The following ACAA2 variants were observed in gnomAD, a reference collection of about 807,000 sequenced individuals.
The protein encoded by ACAA2 is acetyl-CoA acyltransferase 2.
A neutral mutation model predicts 44.8 loss-of-function variants in ACAA2; 35 were observed. The observed-to-expected ratio is 0.78, with a 90% CI of 0.60 to 1.04. The LOEUF (loss-of-function observed/expected upper bound fraction) is 1.04. Ranked by LOEUF, ACAA2 falls within the 50% of genes least tolerant of loss-of-function variation. ACAA2 has a pLI of 0.00. For synonymous variants in ACAA2, 142 were observed against 166.5 expected (o/e 0.85, Z 1.13); for missense variants, 468 against 482.6 (o/e 0.97, Z 0.28).
chr18:49,783,820 T>C lies in ACAA2; in HGVS notation c.*27A>G, dbSNP rs1277413959. 3.7e-6 allele frequency: 6 copies of C among 1,603,126 alleles called. No individual in the cohort carries two copies. In the African/African-American group the frequency reaches 4.0e-5, roughly 11 times the overall value. ...GTGGCCTGGCCAAGTAGAGTAAGGA[T>C]GGGTCACAGTGAGCTCACTGGTCTC... On this transcript the variant is annotated 3_prime_UTR_variant, in exon 10 of 10. Transcript: ENST00000285093.
intron 1 of ACAA2, among the ~76,000 whole-genome samples, chr18:49,807,487 C>T (rs1207219696): frequency 2.0e-5 from 3 of 152,180 alleles, no homozygotes; most frequent in Non-Finnish European, 4.4e-5. Flanking sequence ...TTAGATCTAA[C>T]ACCAAAAGCA....
Position 49,792,347 on chromosome 18 carries a change from C to CT in ACAA2, c.578-21dup, listed in dbSNP as rs1255030002. On this transcript the variant is annotated intron_variant, in intron 5 of 9. Transcript: ENST00000285093. ...CATTAGCTGAAAAATAGTAGAGAGA[C>CT]TATCATAAGAATAAAAGAGAGAAAC... 6.3e-7 allele frequency: 1 copy of CT among 1,584,058 alleles called. No individual in the cohort carries two copies. Among genetic ancestry groups the CT allele is most frequent in the Non-Finnish European group, 8.6e-7 (1 of 1,157,792 alleles).
intron 2 of ACAA2, among the ~76,000 whole-genome samples, chr18:49,800,480 A>C (rs2023533697): frequency 6.6e-6 from 1 of 152,202 alleles, no homozygotes; most frequent in Non-Finnish European, 1.5e-5. Context: ...GAAGGGATTG[A>C]GAAATCGGAT....
Position 49,803,280 on chromosome 18 carries a change from A to ATAATAATAATAT in ACAA2, c.17-428_17-427insATATTATTATTA, listed in dbSNP as rs531343535. ...AATAATAATAATAATAATAATAATA[A>ATAATAATAATAT]TATCAATCCCTGACCTAAACTACTT... On this transcript the variant is annotated intron_variant, in intron 1 of 9. Transcript: ENST00000285093. Among the ~76,000 whole-genome samples the ATAATAATAATAT allele has an allele frequency of 1.5e-4, 22 of 149,332 alleles. 1 individual carries two copies. In the South Asian group the frequency reaches 4.0e-3, roughly 27 times the overall value.
intron 1 of ACAA2, among the ~76,000 whole-genome samples, chr18:49,807,654 G>C (rs753757095): frequency 1.3e-4 from 20 of 151,962 alleles, no homozygotes; most frequent in Non-Finnish European, 1.5e-4. Context: ...AGACATGATG[G>C]GACCCTGTCT....
At chr18:49,802,559 T>TC (rs1363600348) in intron 2 of ACAA2, 128 bp downstream of exon 2, 2 of 475,250 alleles carry the variant, frequency 4.2e-6, no homozygotes, top group African/African-American at 9.4e-5. Flanking sequence ...AGACTCCATC[T>TC]CAAAAAAAAA....
At chr18:49,787,447 T>A in intron 7 of ACAA2, 86 bp from the exon 8 acceptor site, 2 of 1,008,412 alleles carry the variant, frequency 2.0e-6, no homozygotes, top group Non-Finnish European at 2.7e-6. Flanking sequence ...TCTTTCCAAG[T>A]AAGGAAGAAA....
chr18:49,796,604 A>T (rs2023467657), intron 3 of ACAA2, among the ~76,000 whole-genome samples: 1 of 152,180 alleles, frequency 6.6e-6, no homozygotes, highest in African/African-American at 2.4e-5. Flanking sequence ...TATTTAACCA[A>T]CTGTCCTTTA....
Position 49,799,860 on chromosome 18 carries a change from C to A in ACAA2, c.184-2266G>T, listed in dbSNP as rs1477670733. ...ATCTGGGATGTGGGGAGCGCCTCTG[C>A]CCGGCCGCGACCCCATCTGGGAGGT... On this transcript the variant is annotated intron_variant, in intron 2 of 9. Transcript: ENST00000285093. Among the ~76,000 whole-genome samples, 158 of 139,052 alleles carry A rather than the reference C, an allele frequency of 1.1e-3. 2 individuals are homozygous for A. The highest frequency in any genetic ancestry group is 3.7e-3 in the African/African-American group (135 of 36,588). The allele number at this position is 139,052 out of a possible 152,430, so 91.2% of individuals were successfully genotyped here.
intron 3 of ACAA2, 130 bp from the exon 4 acceptor site, chr18:49,796,011 G>A: frequency 1.7e-6 from 1 of 580,370 alleles, no homozygotes; most frequent in Non-Finnish European, 3.0e-6. Context: ...TGTCTCAAAA[G>A]GAAATGCTTT....
At position 49,782,187 on chromosome 18, in the gene ACAA2, T is replaced by A. The variant is rs1009935432; in HGVS notation, c.*1660A>T. ...AATGTTCTGCAAAACATTGTTTTAT[T>A]ATGAGAAATTATACAGGGCTCTTAC... On this transcript the variant is annotated 3_prime_UTR_variant, in exon 10 of 10. Transcript: ENST00000285093. 6.6e-6 allele frequency: 1 copy of A among 151,202 alleles called. No individual in the cohort carries two copies. Among genetic ancestry groups the A allele is most frequent in the South Asian group, 2.1e-4 (1 of 4,822 alleles). 9.4% of individuals were successfully genotyped at this position (151,202 alleles called of 1,614,324 possible). A position where few individuals can be genotyped will look rare whatever the true frequency, so the allele number is the denominator to read the frequency against.
intron 2 of ACAA2, 64 bp downstream of exon 2, chr18:49,802,623 G>A (rs1013554312): frequency 6.9e-7 from 1 of 1,456,348 alleles, no homozygotes; most frequent in South Asian, 1.3e-5. Context: ...TATGTTAAAG[G>A]AATTATTTTT....
At chr18:49,807,275 G>C (rs1322834464) in intron 1 of ACAA2, among the ~76,000 whole-genome samples, 1 of 152,156 alleles carries the variant, frequency 6.6e-6, no homozygotes, top group Non-Finnish European at 1.5e-5. Context: ...TGTGCCTGTA[G>C]TCCCAGCTAT....
chr18:49,798,913 T>C (rs2023495867), intron 2 of ACAA2, among the ~76,000 whole-genome samples: 1 of 152,078 alleles, frequency 6.6e-6, no homozygotes, highest in Non-Finnish European at 1.5e-5. Context: ...CAGATAAATA[T>C]TTGGGGTTAG....
chr18:49,786,215 A>C (rs1055191125), intron 8 of ACAA2: 7 of 152,148 alleles, frequency 4.6e-5, no homozygotes, highest in African/African-American at 1.7e-4. Flanking sequence ...TTTCTACTCT[A>C]TATACAGAGC....
chr18:49,797,611 A>C lies in ACAA2; in HGVS notation c.184-17T>G. On this transcript the variant is annotated splice_polypyrimidine_tract_variant and intron_variant, in intron 2 of 9. Coordinates refer to ENST00000285093, the MANE Select transcript of ACAA2 (RefSeq NM_006111.3). ...TGAAGAACTCTAGAAGAGAGAAGGA[A>C]AAGAAAAATAATTTTCTCTATAAAT... 6.4e-7 allele frequency: 1 copy of C among 1,569,146 alleles called. No homozygotes were observed. The highest frequency in any genetic ancestry group is 8.6e-7 in the Non-Finnish European group (1 of 1,161,824).
At chr18:49,812,805 C>A (rs1296725984) in intron 1 of ACAA2, 3 of 152,196 alleles carry the variant, frequency 2.0e-5, no homozygotes, top group Non-Finnish European at 4.4e-5. Flanking sequence ...TGTCTCAGGG[C>A]CTCGATATGT....
rs557565825 is a variant in ACAA2 at position 49,805,572 on chromosome 18, C to CT, written c.17-2720dup. The stretch of plus-strand genomic sequence containing the variant: ...CTGCCTATTTTTATATCAGTGTTTT[C>CT]TTTTTTTTTTGAGACAGTCTTGCTC... On this transcript the variant is annotated intron_variant, in intron 1 of 9. Coordinates refer to ENST00000285093, the MANE Select transcript of ACAA2 (RefSeq NM_006111.3). Among the ~76,000 whole-genome samples, 582 of 148,028 alleles carry CT rather than the reference C, an allele frequency of 3.9e-3. 1 individual carries two copies. Among genetic ancestry groups the CT allele is most frequent in the Admixed American group, 7.2e-3 (106 of 14,808 alleles).
chr18:49,803,683 TCTATGTG>T (rs1035078825), intron 1 of ACAA2, among the ~76,000 whole-genome samples: 17 of 152,294 alleles, frequency 1.1e-4, no homozygotes, highest in African/African-American at 4.1e-4. Flanking sequence ...AAATCCTTCT[TCTATGTG>T]CTGGAGTATA....
Sources: gnomAD v4.1 joint callset for allele counts (sites outside exome capture counted in the v4.1 genomes callset) on GRCh38, gnomAD v4.1.1 for gene constraint, MANE v1.5 for transcripts, NCBI Gene and HGNC (gene_info 2026-07-23, HGNC 2026-07-21) for gene names.